Variants in KRT38 observed in about 807,000 individuals in gnomAD.
KRT38 encodes the protein keratin 38.
Under a neutral mutation model 43.1 loss-of-function variants are expected in KRT38, and 45 were observed. The observed-to-expected ratio is 1.04, with a 90% CI of 0.82 to 1.34. The LOEUF is 1.34. Ranked by LOEUF, KRT38 falls within the 40% of genes most tolerant of loss-of-function variation. KRT38 has a pLI of 0.00. For missense variants in KRT38, 627 were observed against 586.2 expected, an observed-to-expected ratio of 1.07 and a Z score of -0.72; for synonymous variants, 258 against 244.0, an observed-to-expected ratio of 1.06 and a Z score of -0.53.
chr17:41,438,961 C>T, intron 3 of KRT38, 103 bp from the exon 4 acceptor site: 2 of 1,410,134 alleles, frequency 1.4e-6, no homozygotes, highest in Non-Finnish European at 1.9e-6. Context: ...GGAGGGGAGT[C>T]CCACACACAA....
At position 41,437,357 on chromosome 17, in the gene KRT38, G is replaced by C. The variant is rs774999607; in HGVS notation, c.*55C>G. The C allele has an allele frequency of 1.4e-6, 2 of 1,468,858 alleles. No individual in the cohort carries two copies. The highest frequency in any genetic ancestry group is 1.8e-6 in the Non-Finnish European group (2 of 1,112,702). 91.0% of individuals were successfully genotyped at this position (1,468,858 alleles called of 1,614,324 possible). Reference sequence around the variant, plus strand: ...GCCAGATTTTCTAAAGGTATAACAAGCATCTCTCTTTGGGTATCCCTCGCC... The same window carrying C: ...GCCAGATTTTCTAAAGGTATAACAACCATCTCTCTTTGGGTATCCCTCGCC... On this transcript the variant is annotated 3_prime_UTR_variant, in exon 7 of 7. Transcript: ENST00000246646.
At position 41,437,749 on chromosome 17, in the gene KRT38, T is replaced by C. The variant is rs2018742214; in HGVS notation, c.1242-208A>G. Among the ~76,000 whole-genome samples the C allele has an allele frequency of 2.0e-5, 3 of 152,236 alleles. No homozygotes were observed. The South Asian group carries it at 6.2e-4, about 32-fold the overall frequency. On this transcript the variant is annotated intron_variant, in intron 6 of 6. Coordinates refer to ENST00000246646, the MANE Select transcript of KRT38 (RefSeq NM_006771.4). ...GCCTTCCATGATTAAAGTTATCCTATAGAATAAAAATTCCTAGGAAGAATT... is the reference window on the plus strand; with the variant it reads ...GCCTTCCATGATTAAAGTTATCCTACAGAATAAAAATTCCTAGGAAGAATT...
chr17:41,438,241 G>A lies in KRT38; in HGVS notation c.1093C>T (p.Leu365Phe). 2.5e-6 allele frequency: 4 copies of A among 1,614,156 alleles called. No homozygotes were observed. Among genetic ancestry groups the A allele is most frequent in the Middle Eastern group, 3.3e-4 (2 of 6,062 alleles). The change falls in exon 6 of 7, where the codon CTC (leucine) becomes TTC (phenylalanine). Residue 365 changes from leucine (L) to phenylalanine (F), a missense_variant. Coordinates refer to ENST00000246646, the MANE Select transcript of KRT38 (RefSeq NM_006771.4). ...AGCTGCTCCTCCACGTTGCTGATGA[G>A]GCTCTGCATCTGGGCCAGCTCCGTG... is the stretch of plus-strand genomic sequence containing the variant. ...FGTELAQMQS[L>F]ISNVEEQLSE... is the part of the protein sequence containing the mutation.
chr17:41,440,263 A>T lies in KRT38; in HGVS notation c.493-20T>A. ...CAGGATCTGAGGAGAACAGGAAGAC[A>T]GTTCACACACAAAGCATCATGCCCT... On this transcript the variant is annotated intron_variant, in intron 1 of 6. Transcript: ENST00000246646. The T allele has an allele frequency of 6.2e-7, 1 of 1,613,390 alleles. No homozygotes were observed. The highest frequency in any genetic ancestry group is 8.5e-7 in the Non-Finnish European group (1 of 1,179,366).
chr17:41,438,430 A>T, intron 5 of KRT38, 61 bp downstream of exon 5: 1 of 1,611,200 alleles, frequency 6.2e-7, no homozygotes, highest in Non-Finnish European at 8.5e-7. Flanking sequence ...CCTCCAAAAT[A>T]AAATGCTACT....
In KRT38 at chr17:41,437,286, G is replaced by A. The variant is rs2018735943; in HGVS notation, c.*126C>T. The A allele has an allele frequency of 2.1e-6, 2 of 951,810 alleles. No individual in the cohort carries two copies. Among genetic ancestry groups the A allele is most frequent in the Non-Finnish European group, 2.8e-6 (2 of 704,796 alleles). 59.0% of individuals were successfully genotyped at this position (951,810 alleles called of 1,614,324 possible). Reference sequence around the variant, plus strand: ...TTCCATCAAGATTCCACTGTCCCTGGTATCTCATAGCCTTTGGACAGGCCT... The same window carrying A: ...TTCCATCAAGATTCCACTGTCCCTGATATCTCATAGCCTTTGGACAGGCCT... On this transcript the variant is annotated 3_prime_UTR_variant, in exon 7 of 7. Transcript: ENST00000246646.
rs1567695887 is a variant in KRT38 at position 41,438,683 on chromosome 17, C to T, written c.894+14G>A. On this transcript the variant is annotated intron_variant, in intron 4 of 6. Transcript: ENST00000246646. ...AGGCCAGGTACCCCCTGGTTCTATA[C>T]CCCCCCCACTCACCTGGGCTTGGAA... The T allele has an allele frequency of 3.8e-6, 1 of 265,766 alleles. No homozygotes were observed. Among genetic ancestry groups the T allele is most frequent in the Non-Finnish European group, 5.2e-6 (1 of 193,408 alleles). 16.5% of individuals were successfully genotyped at this position (265,766 alleles called of 1,614,324 possible).
Position 41,440,483 on chromosome 17 carries a change from C to A in KRT38, c.439G>T (p.Val147Leu), listed in dbSNP as rs202117597. 9.3e-6 allele frequency: 15 copies of A among 1,614,238 alleles called. No individual in the cohort carries two copies. Among genetic ancestry groups the A allele is most frequent in the Admixed American group, 3.3e-5 (2 of 60,034 alleles). ...AAGTAAGACTGGTAGTCGGGGCACACGGTGGACTCGTGGCACTTGCTCCTC... is the reference window on the plus strand; with the variant it reads ...AAGTAAGACTGGTAGTCGGGGCACAAGGTGGACTCGTGGCACTTGCTCCTC... ...LERSKCHEST[V>L]CPDYQSYFHT... The change falls in exon 1 of 7, where the codon GTG (valine) becomes TTG (leucine). Residue 147 changes from valine to leucine, a missense_variant. By Grantham distance (32) the Val-to-Leu change is conservative. Coordinates refer to ENST00000246646, the MANE Select transcript of KRT38 (RefSeq NM_006771.4).
chr17:41,440,154 G>A lies in KRT38; in HGVS notation c.575+7C>T, dbSNP rs773529057. 28 of 1,613,240 alleles carry A rather than the reference G, an allele frequency of 1.7e-5. No homozygotes were observed. The highest frequency in any genetic ancestry group is 2.7e-5 in the African/African-American group (2 of 74,898). On this transcript the variant is annotated splice_region_variant and intron_variant, in intron 2 of 6. Transcript: ENST00000246646. ...GAGTCACCCTGGCCCTCCTCCGCCTGACTTACTTGATCCTAAAGTCATCGG... is the reference window on the plus strand; with the variant it reads ...GAGTCACCCTGGCCCTCCTCCGCCTAACTTACTTGATCCTAAAGTCATCGG...
In KRT38 at chr17:41,437,155, T is replaced by A. The variant is rs959618919; in HGVS notation, c.*257A>T. 5.3e-5 allele frequency: 20 copies of A among 375,378 alleles called. No homozygotes were observed. The highest frequency in any genetic ancestry group is 8.5e-5 in the Non-Finnish European group (18 of 212,474). The allele number at this position is 375,378 out of a possible 1,614,324, so 23.3% of individuals were successfully genotyped here. ...TCCTACTCCAAAATGCTTTTCAACC[T>A]TATGCCTCTCCAATCCAGATATTCT... On this transcript the variant is annotated 3_prime_UTR_variant, in exon 7 of 7. Coordinates refer to ENST00000246646, the MANE Select transcript of KRT38 (RefSeq NM_006771.4).
At chr17:41,439,424 C>G (rs2018771121) in intron 2 of KRT38, 65 bp from the exon 3 acceptor site, 1 of 1,558,444 alleles carries the variant, frequency 6.4e-7, no homozygotes, top group Admixed American at 1.8e-5. Flanking sequence ...GCTGCCCTGG[C>G]TTCCTACCTC....
At position 41,438,253 on chromosome 17, in the gene KRT38, G is replaced by A; in HGVS notation, c.1081C>T (p.Gln361Ter). 1 of 1,614,152 alleles carries A rather than the reference G, an allele frequency of 6.2e-7. No individual in the cohort carries two copies. Among genetic ancestry groups the A allele is most frequent in the Non-Finnish European group, 8.5e-7 (1 of 1,180,018 alleles). ...ACGTTGCTGATGAGGCTCTGCATCT[G>A]GGCCAGCTCCGTGCCGAAGCGGTCC... ...AEDRFGTELA[Q>*]MQSLISNVEE... Residue 361 changes from glutamine (Q) to a stop codon, truncating the protein, a stop_gained, in exon 6 of 7, where the codon CAG (glutamine) becomes TAG (stop). Transcript: ENST00000246646. LOFTEE classifies it high-confidence loss of function.
Position 41,440,141 on chromosome 17 carries a change from C to A in KRT38, c.575+20G>T, listed in dbSNP as rs12601328. 667,794 of 1,599,556 alleles carry A rather than the reference C, an allele frequency of 0.42. 142,570 individuals carry two copies. The highest frequency in any genetic ancestry group is 0.61 in the Admixed American group (36,129 of 59,676). On this transcript the variant is annotated intron_variant, in intron 2 of 6. Coordinates refer to ENST00000246646, the MANE Select transcript of KRT38 (RefSeq NM_006771.4). Reference sequence around the variant, plus strand: ...GAGGGTGGGGAAGGAGTCACCCTGGCCCTCCTCCGCCTGACTTACTTGATC... The same window carrying A: ...GAGGGTGGGGAAGGAGTCACCCTGGACCTCCTCCGCCTGACTTACTTGATC...
Position 41,440,852 on chromosome 17 carries a change from A to G in KRT38, c.70T>C (p.Ser24Pro). The change falls in exon 1 of 7, where the codon TCT becomes CCT. Residue 24 changes from serine (S) to proline (P), a missense_variant. By Grantham distance (74) the Ser-to-Pro change is moderately conservative. Transcript: ENST00000246646. Reference sequence around the variant, plus strand: ...CACCCAATGTCGATGGGAGAGACAGAGACATTTCTTGCTCCAGGAGCCATG... The same window carrying G: ...CACCCAATGTCGATGGGAGAGACAGGGACATTTCTTGCTCCAGGAGCCATG... ...CTMAPGARNV[S>P]VSPIDIGCQP... is the part of the protein sequence containing the mutation. The G allele has an allele frequency of 1.3e-6, 2 of 1,589,618 alleles. No homozygotes were observed. Among genetic ancestry groups the G allele is most frequent in the Non-Finnish European group, 1.7e-6 (2 of 1,168,416 alleles).
chr17:41,438,660 G>T (rs1290364179), intron 4 of KRT38, 37 bp downstream of exon 4: 3 of 1,600,940 alleles, frequency 1.9e-6, no homozygotes, highest in Non-Finnish European at 2.6e-6. Flanking sequence ...CCAGATGGAG[G>T]CCAGGTACCC....
Position 41,438,588 on chromosome 17 carries a change from G to T in KRT38, c.923C>A (p.Ser308Tyr). ...GCAGCACTGCAGCTCCTCGGAGCAGGACATGTCCTGCAGGCTGATGCCTTC... is the reference window on the plus strand; with the variant it reads ...GCAGCACTGCAGCTCCTCGGAGCAGTACATGTCCTGCAGGCTGATGCCTTC... ...QSEGISLQDM[S>Y]CSEELQCCQS... Residue 308 changes from serine to tyrosine, a missense_variant, in exon 5 of 7, where the codon TCC becomes TAC. By Grantham distance (144) the Ser-to-Tyr change is moderately radical. Transcript: ENST00000246646. 1 of 1,614,140 alleles carries T rather than the reference G, an allele frequency of 6.2e-7. No individual in the cohort carries two copies. Among genetic ancestry groups the T allele is most frequent in the Non-Finnish European group, 8.5e-7 (1 of 1,180,020 alleles).
intron 3 of KRT38, 108 bp from the exon 4 acceptor site, chr17:41,438,966 A>G: frequency 7.2e-7 from 1 of 1,388,000 alleles, no homozygotes; most frequent in South Asian, 1.3e-5. Flanking sequence ...GGAGTCCCAC[A>G]CACAAGCAAA....
chr17:41,440,850 A>C lies in KRT38; in HGVS notation c.72T>G (p.Ser24=). ...CTMAPGARNV[S]VSPIDIGCQP... is the part of the protein sequence containing the mutation. ...GGCACCCAATGTCGATGGGAGAGACAGAGACATTTCTTGCTCCAGGAGCCA... is the reference window on the plus strand; with the variant it reads ...GGCACCCAATGTCGATGGGAGAGACCGAGACATTTCTTGCTCCAGGAGCCA... The change falls in exon 1 of 7, where the codon TCT becomes TCG. Residue 24 remains serine, a synonymous_variant. Coordinates refer to ENST00000246646, the MANE Select transcript of KRT38 (RefSeq NM_006771.4). 1.3e-6 allele frequency: 2 copies of C among 1,591,590 alleles called. No homozygotes were observed. The highest frequency in any genetic ancestry group is 1.7e-6 in the Non-Finnish European group (2 of 1,169,418).
At chr17:41,437,974 C>T (rs1267037495) in intron 6 of KRT38, 119 bp downstream of exon 6, 9 of 942,634 alleles carry the variant, frequency 9.5e-6, no homozygotes, top group Non-Finnish European at 1.5e-5. Flanking sequence ...GGCAACGACT[C>T]ACTGAAAAGG....
Sources: gnomAD v4.1 joint callset for allele counts (sites outside exome capture counted in the v4.1 genomes callset) on GRCh38, gnomAD v4.1.1 for gene constraint, MANE v1.5 for transcripts, NCBI Gene and HGNC (gene_info 2026-07-23, HGNC 2026-07-21) for gene names.